LRMDA: variants seen among roughly 807,000 people sequenced by gnomAD.
LRMDA encodes the protein leucine rich melanocyte differentiation associated, also known as leucine-rich melanocyte differentiation-associated protein.
Under a neutral mutation model 29.8 loss-of-function variants are expected in LRMDA, and 18 were observed. The observed-to-expected ratio is 0.60, with a 90% CI of 0.42 to 0.90. The LOEUF is 0.90. Ranked by LOEUF, LRMDA falls within the 40% of genes least tolerant of loss-of-function variation. LRMDA has a pLI of 0.00. For missense variants in LRMDA, 273 were observed against 273.9 expected, an observed-to-expected ratio of 1.00 and a Z score of 0.02; for synonymous variants, 125 against 109.4, an observed-to-expected ratio of 1.14 and a Z score of -0.89.
At chr10:76,012,217 C>T (rs1847795972) in intron 2 of LRMDA, among the ~76,000 whole-genome samples, 2 of 152,204 alleles carry the variant, frequency 1.3e-5, no homozygotes, top group South Asian at 4.1e-4. Flanking sequence ...GGTTCCTCTC[C>T]TCGATGGACC....
intron 2 of LRMDA, among the ~76,000 whole-genome samples, chr10:75,864,110 A>G (rs936654314): frequency 1.3e-5 from 2 of 152,192 alleles, no homozygotes; most frequent in Non-Finnish European, 2.9e-5. Context: ...AGAAGACTTA[A>G]CTTTTAACGG....
intron 2 of LRMDA, among the ~76,000 whole-genome samples, chr10:75,806,256 A>G (rs1843849938): frequency 6.6e-6 from 1 of 152,162 alleles, no homozygotes; most frequent in African/African-American, 2.4e-5. Flanking sequence ...TCAACATGAG[A>G]TTTGGATGGG....
intron 2 of LRMDA, among the ~76,000 whole-genome samples, chr10:75,598,710 G>T (rs1259476761): frequency 1.3e-5 from 2 of 152,026 alleles, no homozygotes; most frequent in Non-Finnish European, 2.9e-5. Context: ...AACTCCTTTC[G>T]TTCTCCTCCT....
chr10:75,936,346 C>CGA (rs1846293074), intron 2 of LRMDA, among the ~76,000 whole-genome samples: 1 of 152,118 alleles, frequency 6.6e-6, no homozygotes, highest in Admixed American at 6.6e-5. Context: ...CAGAGTCTGA[C>CGA]GAGCTCATCT....
At chr10:75,751,396 A>G (rs1842968186) in intron 2 of LRMDA, among the ~76,000 whole-genome samples, 1 of 152,090 alleles carries the variant, frequency 6.6e-6, no homozygotes, top group Admixed American at 6.5e-5. Flanking sequence ...AGAGGAATAT[A>G]GAAACTTTAA....
chr10:76,485,765 T>C (rs754624727), intron 6 of LRMDA, among the ~76,000 whole-genome samples: 1 of 151,916 alleles, frequency 6.6e-6, no homozygotes, highest in African/African-American at 2.4e-5. Flanking sequence ...ATAACTCCAC[T>C]GAAATATAGA....
intron 5 of LRMDA, among the ~76,000 whole-genome samples, chr10:76,084,962 G>T (rs2132083652): frequency 6.6e-6 from 1 of 152,304 alleles, no homozygotes; most frequent in African/African-American, 2.4e-5. Context: ...AAGGAACTCA[G>T]CACAAGCTCT....
intron 6 of LRMDA, among the ~76,000 whole-genome samples, chr10:76,550,482 C>G (rs1296047780): frequency 6.8e-6 from 1 of 146,846 alleles, no homozygotes; most frequent in Non-Finnish European, 1.5e-5. Flanking sequence ...CGCCCCCAAC[C>G]CCCCACCCCC....
At chr10:76,180,443 C>T (rs893064250) in intron 5 of LRMDA, among the ~76,000 whole-genome samples, 4 of 151,852 alleles carry the variant, frequency 2.6e-5, no homozygotes, top group Non-Finnish European at 1.5e-5. Context: ...CCACACCCGG[C>T]TAATTTTTTG....
chr10:76,249,364 T>C (rs1852431491), intron 5 of LRMDA, among the ~76,000 whole-genome samples: 2 of 152,168 alleles, frequency 1.3e-5, no homozygotes, highest in Admixed American at 6.5e-5. Flanking sequence ...TGTGTTTTAG[T>C]CCTATTAAAT....
chr10:76,190,772 G>C (rs1033912847), intron 5 of LRMDA, among the ~76,000 whole-genome samples: 2 of 152,158 alleles, frequency 1.3e-5, no homozygotes, highest in African/African-American at 4.8e-5. Context: ...CCTCTATTTG[G>C]AATTGTCAAC....
intron 5 of LRMDA, among the ~76,000 whole-genome samples, chr10:76,184,382 C>T (rs2132212916): frequency 6.6e-6 from 1 of 152,260 alleles, no homozygotes; most frequent in Non-Finnish European, 1.5e-5. Context: ...GACTGAAGTT[C>T]TGTGTCTTGC....
At chr10:76,129,002 GATAA>G (rs1318419069) in intron 5 of LRMDA, among the ~76,000 whole-genome samples, 18 of 152,164 alleles carry the variant, frequency 1.2e-4, no homozygotes, top group Non-Finnish European at 1.9e-4. Flanking sequence ...ATATGAAAGT[GATAA>G]ATAATTTAAA....
chr10:76,529,674 A>G (rs1003296489), intron 6 of LRMDA, among the ~76,000 whole-genome samples: 6 of 152,128 alleles, frequency 3.9e-5, no homozygotes, highest in African/African-American at 1.2e-4. Context: ...GGCAAAGAAC[A>G]TGTTCCTCAG....
At chr10:76,162,922 A>G (rs1850673737) in intron 5 of LRMDA, among the ~76,000 whole-genome samples, 1 of 152,236 alleles carries the variant, frequency 6.6e-6, no homozygotes, top group South Asian at 2.1e-4. Flanking sequence ...TACATATTCT[A>G]AAAATGAAAA....
intron 3 of LRMDA, among the ~76,000 whole-genome samples, chr10:76,046,803 A>G (rs1292706181): frequency 6.6e-6 from 1 of 152,172 alleles, no homozygotes; most frequent in Non-Finnish European, 1.5e-5. Flanking sequence ...ATTACTAGAA[A>G]CGAATTAAGT....
chr10:75,481,861 G>C (rs917427168), intron 2 of LRMDA, among the ~76,000 whole-genome samples: 4 of 152,102 alleles, frequency 2.6e-5, no homozygotes, highest in African/African-American at 9.7e-5. Flanking sequence ...TGCACATGCT[G>C]TTCTCTTTGC....
At chr10:75,594,130 A>C (rs1383575542) in intron 2 of LRMDA, among the ~76,000 whole-genome samples, 1 of 152,190 alleles carries the variant, frequency 6.6e-6, no homozygotes, top group Admixed American at 6.5e-5. Context: ...AAGACCGAAA[A>C]TGTAGCATCA....
chr10:75,751,051 C>T (rs886151370), intron 2 of LRMDA, among the ~76,000 whole-genome samples: 1 of 152,244 alleles, frequency 6.6e-6, no homozygotes, highest in African/African-American at 2.4e-5. Flanking sequence ...AGCGAGACTC[C>T]GTCTGCAATC....
Sources: gnomAD v4.1 joint callset for allele counts (sites outside exome capture counted in the v4.1 genomes callset) on GRCh38, gnomAD v4.1.1 for gene constraint, MANE v1.5 for transcripts, NCBI Gene and HGNC (gene_info 2026-07-23, HGNC 2026-07-21) for gene names.